The following ARMC9 variants were observed in gnomAD, a reference collection of about 807,000 sequenced individuals.
ARMC9 encodes the protein armadillo repeat containing 9.
ARMC9 carries 94 observed loss-of-function variants against 107.0 expected under a neutral mutation model. The observed-to-expected ratio is 0.88, with a 90% confidence interval of 0.74 to 1.04. The LOEUF (loss-of-function observed/expected upper bound fraction) is 1.04. ARMC9 is among the 50% of genes least tolerant of loss of function. The pLI is 0.00. For missense variants in ARMC9, 942 were observed against 1,030.1 expected (o/e 0.91, Z 1.17); for synonymous variants, 380 against 396.9 (o/e 0.96, Z 0.51).
At chr2:231,267,233 T>C (rs2038931159) in intron 12 of ARMC9, among the ~76,000 whole-genome samples, 1 of 150,254 alleles carries the variant, frequency 6.7e-6, no homozygotes, top group Non-Finnish European at 1.5e-5. Flanking sequence ...GCAATATTTA[T>C]TTTTTTTTTA....
At chr2:231,331,385 T>C (rs955945571) in intron 19 of ARMC9, among the ~76,000 whole-genome samples, 2 of 152,166 alleles carry the variant, frequency 1.3e-5, no homozygotes, top group African/African-American at 4.8e-5. Context: ...CTGTAAACGT[T>C]CTTGAGATGA....
intron 24 of ARMC9, among the ~76,000 whole-genome samples, chr2:231,370,876 C>A (rs1471720795): frequency 6.6e-6 from 1 of 152,230 alleles, no homozygotes; most frequent in Non-Finnish European, 1.5e-5. Context: ...AAAGGAGTCC[C>A]GCTTAGGATA....
At chr2:231,271,584 G>T (rs372809987) in intron 13 of ARMC9, among the ~76,000 whole-genome samples, 1 of 152,138 alleles carries the variant, frequency 6.6e-6, no homozygotes, top group Non-Finnish European at 1.5e-5. Context: ...ATTATCTTCC[G>T]TAAGTTCTTA....
chr2:231,235,549 A>AT (rs1448307626), intron 8 of ARMC9, among the ~76,000 whole-genome samples, 168 bp downstream of exon 8: 6 of 152,152 alleles, frequency 3.9e-5, no homozygotes, highest in Admixed American at 1.3e-4. Context: ...TAAAGCTGAT[A>AT]TTTTTTACTG....
At chr2:231,315,681 C>T (rs1669067) in intron 19 of ARMC9, among the ~76,000 whole-genome samples, 152,244 of 152,378 alleles carry the variant, frequency 1, 76,055 homozygotes, top group Middle Eastern at 1. Flanking sequence ...GGTTTCAAAA[C>T]ACGAGTTCTT....
intron 19 of ARMC9, among the ~76,000 whole-genome samples, chr2:231,320,790 A>G (rs1038945436): frequency 2.0e-5 from 3 of 152,138 alleles, no homozygotes; most frequent in African/African-American, 7.2e-5. Context: ...CTTGTCTTGT[A>G]TCATGTGTGC....
chr2:231,246,305 C>A (rs562264015), intron 9 of ARMC9, among the ~76,000 whole-genome samples: 1 of 152,192 alleles, frequency 6.6e-6, no homozygotes, highest in East Asian at 1.9e-4. Flanking sequence ...ATCTCATCAC[C>A]CAGGTAGTGA....
intron 6 of ARMC9, among the ~76,000 whole-genome samples, chr2:231,223,703 G>A (rs766640298): frequency 9.9e-5 from 15 of 152,082 alleles, no homozygotes; most frequent in Non-Finnish European, 1.9e-4. Context: ...AGGACTCCAT[G>A]CCACATTTCT....
chr2:231,235,143 TG>T, intron 7 of ARMC9, 80 bp from the exon 8 acceptor site: 1 of 1,419,040 alleles, frequency 7.0e-7, no homozygotes, highest in Non-Finnish European at 9.5e-7. Flanking sequence ...GCAATAAGTA[TG>T]GTAGTTCTTT....
intron 19 of ARMC9, among the ~76,000 whole-genome samples, chr2:231,308,327 A>G (rs1327442122): frequency 2.0e-5 from 3 of 152,196 alleles, no homozygotes; most frequent in Non-Finnish European, 4.4e-5. Context: ...ACCAAAGTTC[A>G]GAGAGGTTCA....
In ARMC9 at chr2:231,376,401, G is replaced by A. The variant is rs935209937; in HGVS notation, c.*4866G>A. On this transcript the variant is annotated 3_prime_UTR_variant, in exon 25 of 25. Coordinates refer to ENST00000611582, the MANE Select transcript of ARMC9 (RefSeq NM_001352754.2). ...TGAGAAAGAGAATGCACACCTGGGG[G>A]TGGGTCTCTGAACTGGCCCCCCTCC... 2.0e-5 allele frequency among the ~76,000 whole-genome samples: 3 copies of A among 152,138 alleles called. No individual in the cohort carries two copies. Among genetic ancestry groups the A allele is most frequent in the African/African-American group, 7.2e-5 (3 of 41,422 alleles).
At chr2:231,296,615 G>T (rs1255912377) in intron 19 of ARMC9, among the ~76,000 whole-genome samples, 1 of 152,230 alleles carries the variant, frequency 6.6e-6, no homozygotes, top group African/African-American at 2.4e-5. Flanking sequence ...AGTGCTGGGC[G>T]TGTAGGCGCC....
At chr2:231,347,245 C>T (rs2044852046) in intron 21 of ARMC9, among the ~76,000 whole-genome samples, 1 of 152,212 alleles carries the variant, frequency 6.6e-6, no homozygotes, top group Non-Finnish European at 1.5e-5. Flanking sequence ...ATGGACCTTC[C>T]CACTATAATG....
chr2:231,199,125 A>G (rs904493196), intron 1 of ARMC9, among the ~76,000 whole-genome samples: 4 of 152,274 alleles, frequency 2.6e-5, no homozygotes, highest in South Asian at 4.1e-4. Context: ...CTTAGGAAAA[A>G]CAGGATGCGT....
At chr2:231,257,342 C>G (rs545894819) in intron 10 of ARMC9, among the ~76,000 whole-genome samples, 56 of 152,292 alleles carry the variant, frequency 3.7e-4, no homozygotes, top group African/African-American at 1.3e-3. Flanking sequence ...GTTGGGCTGT[C>G]CCCCTTACGA....
At chr2:231,253,624 C>G (rs1478655019) in intron 9 of ARMC9, among the ~76,000 whole-genome samples, 1 of 152,170 alleles carries the variant, frequency 6.6e-6, no homozygotes, top group Non-Finnish European at 1.5e-5. Flanking sequence ...CGCTGGGGAC[C>G]TGGCTGAAGT....
chr2:231,256,086 G>T, intron 9 of ARMC9: 1 of 1,545,544 alleles, frequency 6.5e-7, no homozygotes, highest in Non-Finnish European at 8.7e-7. Flanking sequence ...GACCGCCGCC[G>T]CGCCGCCATC....
rs183877600 is a variant in ARMC9, at chr2:231,306,409, A to G, written c.1773+10156A>G. On this transcript the variant is annotated intron_variant, in intron 19 of 24. Coordinates refer to ENST00000611582, the MANE Select transcript of ARMC9 (RefSeq NM_001352754.2). ...CCAGAATCATTTGGAGAATAATCCA[A>G]TGTGAATAAATTCAAATGTGAATCA... is the stretch of plus-strand genomic sequence containing the variant. Among the ~76,000 whole-genome samples the G allele has an allele frequency of 1.2e-3, 187 of 152,302 alleles. 1 individual carries two copies. The highest frequency in any genetic ancestry group is 2.1e-3 in the Non-Finnish European group (143 of 68,024).
At chr2:231,257,908 C>A (rs559312878) in intron 10 of ARMC9, among the ~76,000 whole-genome samples, 68 of 152,218 alleles carry the variant, frequency 4.5e-4, no homozygotes, top group African/African-American at 1.5e-3. Flanking sequence ...TAAAACAAAA[C>A]GTGAAGACGC....
Sources: allele counts gnomAD v4.1 joint callset (sites outside exome capture counted in the v4.1 genomes callset), GRCh38; gene constraint gnomAD v4.1.1; transcripts MANE v1.5; gene names NCBI Gene and HGNC (gene_info 2026-07-23, HGNC 2026-07-21).